The following PTPRG variants were observed in gnomAD, a reference collection of about 807,000 sequenced individuals.
The protein encoded by PTPRG is receptor-type tyrosine-protein phosphatase gamma.
PTPRG carries 102 observed loss-of-function variants against 165.3 expected under a neutral mutation model. The observed-to-expected ratio is 0.62, with a 90% CI of 0.53 to 0.73. The LOEUF is 0.73. PTPRG is among the 30% of genes least tolerant of loss of function. The probability of loss-of-function intolerance (pLI) is 0.00; values close to 1 mark genes in which losing one functional copy is unlikely to be tolerated. For synonymous variants in PTPRG, 675 were observed against 669.5 expected, an observed-to-expected ratio of 1.01 and a Z score of -0.13; for missense variants, 1,866 against 1,861.4, an observed-to-expected ratio of 1.00 and a Z score of -0.05.
Position 61,746,528 on chromosome 3 carries a change from C to T in PTPRG, c.86-2350C>T, listed in dbSNP as rs147554292. On this transcript the variant is annotated intron_variant, in intron 1 of 29. Transcript: ENST00000474889. ...GTCAACAGAATTGATTTTTTGGTCC[C>T]CCTGGCTTTGGTTCTAATTTTAAGG... 5.3e-5 allele frequency among the ~76,000 whole-genome samples: 8 copies of T among 151,918 alleles called. No individual in the cohort carries two copies. In the East Asian group the frequency reaches 1.5e-3, roughly 29 times the overall value.
chr3:62,253,461 T>C (rs1360816101), intron 15 of PTPRG, among the ~76,000 whole-genome samples: 1 of 152,178 alleles, frequency 6.6e-6, no homozygotes, highest in Non-Finnish European at 1.5e-5. Context: ...TTTTGCCTCT[T>C]GTTTGAAAAT....
intron 2 of PTPRG, among the ~76,000 whole-genome samples, chr3:61,875,918 C>T (rs2037727141): frequency 6.6e-6 from 1 of 152,112 alleles, no homozygotes; most frequent in Admixed American, 6.6e-5. Flanking sequence ...ACTGGTTTCC[C>T]ACTGGGGAAA....
chr3:62,154,464 C>T (rs9814217), intron 6 of PTPRG, among the ~76,000 whole-genome samples: 4,349 of 152,260 alleles, frequency 0.029, 88 homozygotes, highest in South Asian at 0.045. Flanking sequence ...AGGGGTCACA[C>T]GCACTTTCCA....
chr3:61,609,163 C>T (rs1189406543), intron 1 of PTPRG, among the ~76,000 whole-genome samples: 1 of 152,204 alleles, frequency 6.6e-6, no homozygotes, highest in Non-Finnish European at 1.5e-5. Flanking sequence ...TATTGGACTT[C>T]CCTTAGGCCG....
chr3:62,256,454 G>A (rs767686167), intron 16 of PTPRG, among the ~76,000 whole-genome samples: 2 of 152,090 alleles, frequency 1.3e-5, no homozygotes, highest in Non-Finnish European at 2.9e-5. Context: ...TTTATTCTAC[G>A]AAGTCATATG....
chr3:61,796,389 A>G (rs2035044699), intron 2 of PTPRG, among the ~76,000 whole-genome samples: 1 of 152,260 alleles, frequency 6.6e-6, no homozygotes, highest in South Asian at 2.1e-4. Context: ...AAAGGAATGT[A>G]ATAAATAACG....
intron 4 of PTPRG, among the ~76,000 whole-genome samples, chr3:62,030,792 C>A (rs1699742952): frequency 6.6e-6 from 1 of 152,124 alleles, no homozygotes. Context: ...AAAAACTGAA[C>A]AAAACAAGGA....
intron 1 of PTPRG, among the ~76,000 whole-genome samples, chr3:61,720,490 A>G (rs1169542334): frequency 6.6e-6 from 1 of 152,168 alleles, no homozygotes; most frequent in East Asian, 1.9e-4. Flanking sequence ...ATTATAGTGA[A>G]CCGCTCAATG....
chr3:61,691,028 C>G, intron 1 of PTPRG, among the ~76,000 whole-genome samples: 1 of 152,068 alleles, frequency 6.6e-6, no homozygotes, highest in East Asian at 1.9e-4. Context: ...AAATATGGCA[C>G]GCCATCAATG....
At chr3:61,615,024 AT>A (rs1701265709) in intron 1 of PTPRG, among the ~76,000 whole-genome samples, 1 of 152,222 alleles carries the variant, frequency 6.6e-6, no homozygotes, top group African/African-American at 2.4e-5. Context: ...GATGGAAAAA[AT>A]TGTAACAACA....
chr3:62,127,604 G>A (rs1267957782), intron 5 of PTPRG, among the ~76,000 whole-genome samples: 1 of 152,126 alleles, frequency 6.6e-6, no homozygotes, highest in Non-Finnish European at 1.5e-5. Context: ...AGAGGATATC[G>A]GCTGGATGTG....
chr3:61,764,239 G>GT (rs2033943895), intron 2 of PTPRG, among the ~76,000 whole-genome samples: 1 of 152,152 alleles, frequency 6.6e-6, no homozygotes. Context: ...TCTGAGCCTT[G>GT]TTTTTACCAA....
intron 2 of PTPRG, among the ~76,000 whole-genome samples, chr3:61,808,069 G>A (rs1050401735): frequency 5.3e-5 from 8 of 152,140 alleles, no homozygotes; most frequent in Admixed American, 1.3e-4. Context: ...ATCCAGGCAC[G>A]GAGCTGATAT....
At position 62,203,957 on chromosome 3, in the gene PTPRG, G is replaced by A. The variant is rs1182180732; in HGVS notation, c.2155+7G>A. On this transcript the variant is annotated splice_region_variant and intron_variant, in intron 12 of 29. Coordinates refer to ENST00000474889, the MANE Select transcript of PTPRG (RefSeq NM_002841.4). This position sits in a 1 kb window ranked among gnomAD's most constrained non-coding sequence, Gnocchi z 6.4. ...TTTATCACTGTTAATCCAGGTAAGT[G>A]GTGCAGGTCTTCTTCGAGGGTTCCT... 1 of 1,543,416 alleles carries A rather than the reference G, an allele frequency of 6.5e-7. No homozygotes were observed. The highest frequency in any genetic ancestry group is 2.3e-5 in the East Asian group (1 of 43,994).
intron 2 of PTPRG, among the ~76,000 whole-genome samples, chr3:61,903,702 C>G (rs2038562319): frequency 6.6e-6 from 1 of 152,050 alleles, no homozygotes; most frequent in South Asian, 2.1e-4. Flanking sequence ...TTAAGGAAGC[C>G]CACTTAACAG....
At chr3:61,757,037 G>C (rs1209140791) in intron 2 of PTPRG, among the ~76,000 whole-genome samples, 1 of 152,130 alleles carries the variant, frequency 6.6e-6, no homozygotes, top group Non-Finnish European at 1.5e-5. Flanking sequence ...GTGTTTAACA[G>C]CCTAAGTGAC....
chr3:61,692,481 G>A (rs369710188), intron 1 of PTPRG, among the ~76,000 whole-genome samples: 3 of 152,166 alleles, frequency 2.0e-5, no homozygotes, highest in African/African-American at 4.8e-5. Flanking sequence ...TTTCATGCGC[G>A]TCCGTGTGAA....
chr3:62,159,218 C>G (rs978781747), intron 7 of PTPRG, among the ~76,000 whole-genome samples: 11 of 151,886 alleles, frequency 7.2e-5, no homozygotes, highest in African/African-American at 2.7e-4. Context: ...TTGATCCCAG[C>G]TGCTTGGGAG....
In PTPRG at chr3:61,643,260, G is replaced by GGGGAGAGA. The variant is rs1158601764; in HGVS notation, c.85+80889_85+80890insGGAGAGAG. 1.1e-4 allele frequency among the ~76,000 whole-genome samples: 15 copies of GGGGAGAGA among 138,596 alleles called. No individual in the cohort carries two copies. The East Asian group carries it at 3.1e-3, about 28-fold the overall frequency. 90.9% of individuals were successfully genotyped at this position (138,596 alleles called of 152,430 possible). On this transcript the variant is annotated intron_variant, in intron 1 of 29. Transcript: ENST00000474889. ...GGAAACATAGCAAGACCCCATCTGG[G>GGGGAGAGA]GAGAGAGAGAGAGAGAAAGAGAGAG...
Sources: gnomAD v4.1 joint callset for allele counts (sites outside exome capture counted in the v4.1 genomes callset) on GRCh38, gnomAD v4.1.1 for gene constraint, Gnocchi (gnomAD v3.1) non-coding constraint, MANE v1.5 for transcripts, NCBI Gene and HGNC (gene_info 2026-07-23, HGNC 2026-07-21) for gene names.